The following NOXRED1 variants were observed in gnomAD, a reference collection of about 807,000 sequenced individuals.
NOXRED1 encodes NADP-dependent oxidoreductase domain-containing protein 1.
A neutral mutation model predicts 30.4 loss-of-function variants in NOXRED1; 20 were observed. That is an observed-to-expected ratio of 0.66 (90% CI 0.46 to 0.96). The LOEUF (loss-of-function observed/expected upper bound fraction) is 0.96, where lower values mean the gene tolerates loss of function less well. Among genes scored for constraint, NOXRED1 ranks in the 40% least tolerant of loss-of-function variants. The pLI, the probability that NOXRED1 is intolerant of heterozygous loss-of-function variation, is 0.00. For synonymous variants in NOXRED1, 155 were observed against 168.0 expected (o/e 0.92, Z 0.60); for missense variants, 374 against 428.0 (o/e 0.87, Z 1.11).
chr14:77,420,373 T>G (rs956295845), intron 1 of NOXRED1, among the ~76,000 whole-genome samples: 5 of 151,116 alleles, frequency 3.3e-5, no homozygotes, highest in African/African-American at 9.9e-5. Flanking sequence ...CATCAGTTTT[T>G]TTTTGTTTTG....
chr14:77,412,282 C>A (rs983665515), intron 2 of NOXRED1, among the ~76,000 whole-genome samples: 3 of 151,932 alleles, frequency 2.0e-5, no homozygotes, highest in Non-Finnish European at 2.9e-5. Context: ...TTACATTAAT[C>A]TCTTACTAAT....
chr14:77,420,320 C>T (rs1188289554), intron 1 of NOXRED1, among the ~76,000 whole-genome samples: 3 of 151,840 alleles, frequency 2.0e-5, no homozygotes, highest in Non-Finnish European at 4.4e-5. Context: ...TTCTTAGTTT[C>T]TCTTTATGAT....
intron 1 of NOXRED1, among the ~76,000 whole-genome samples, chr14:77,419,924 T>G (rs1412361608): frequency 6.6e-6 from 1 of 152,202 alleles, no homozygotes; most frequent in Non-Finnish European, 1.5e-5. Flanking sequence ...TTTGATGGTT[T>G]GATTATAACG....
At chr14:77,418,492 T>C (rs144069031) in intron 1 of NOXRED1, among the ~76,000 whole-genome samples, 3 of 151,398 alleles carry the variant, frequency 2.0e-5, no homozygotes, top group Non-Finnish European at 1.5e-5. Flanking sequence ...TTTTATTTTA[T>C]ACATTTTATT....
rs1894127307 is a variant in NOXRED1, at chr14:77,394,449, T to C, written c.*182A>G. The C allele has an allele frequency of 6.8e-6, 3 of 440,672 alleles. No individual in the cohort carries two copies. Among genetic ancestry groups the C allele is most frequent in the Non-Finnish European group, 1.2e-5 (3 of 249,976 alleles). 27.3% of individuals were successfully genotyped at this position (440,672 alleles called of 1,614,324 possible). ...TGAGAGCCAGATACATATTGATGGA[T>C]AGGACCACTTGTTTTATTCTACATT... On this transcript the variant is annotated 3_prime_UTR_variant, in exon 6 of 6. Coordinates refer to ENST00000380835, the MANE Select transcript of NOXRED1 (RefSeq NM_001113475.3).
chr14:77,397,897 A>AAAT (rs1894229795), intron 5 of NOXRED1, among the ~76,000 whole-genome samples: 1 of 152,018 alleles, frequency 6.6e-6, no homozygotes, highest in South Asian at 2.1e-4. Flanking sequence ...AAAAAAAAAA[A>AAAT]AATACTTGAA....
chr14:77,407,430 G>C (rs768605301), intron 3 of NOXRED1, 35 bp downstream of exon 3: 1 of 1,505,698 alleles, frequency 6.6e-7, no homozygotes, highest in Non-Finnish European at 9.2e-7. Flanking sequence ...AGACAGAGCA[G>C]TTGTGCCAGT....
intron 5 of NOXRED1, among the ~76,000 whole-genome samples, chr14:77,401,033 A>G (rs1320599342): frequency 6.6e-6 from 1 of 152,182 alleles, no homozygotes; most frequent in East Asian, 1.9e-4. Flanking sequence ...CGCAATGCCA[A>G]TCAAAATCCC....
chr14:77,394,849 A>G lies in NOXRED1; in HGVS notation c.906-44T>C, dbSNP rs763675772. On this transcript the variant is annotated intron_variant, in intron 5 of 5. Coordinates refer to ENST00000380835, the MANE Select transcript of NOXRED1 (RefSeq NM_001113475.3). ...TGTTACTTTTTTATGTCTGTTCAGT[A>G]TATCTGATTTGGCTGTTAAACACAT... The G allele has an allele frequency of 9.7e-6, 14 of 1,440,788 alleles. No homozygotes were observed. In the African/African-American group the frequency reaches 1.3e-4, roughly 13 times the overall value. The allele number at this position is 1,440,788 out of a possible 1,614,324, so 89.3% of individuals were successfully genotyped here. A position where few individuals can be genotyped will look rare whatever the true frequency, so the allele number is the denominator to read the frequency against.
At chr14:77,419,446 C>CTTTTTT (rs35341872) in intron 1 of NOXRED1, among the ~76,000 whole-genome samples, 2 of 91,514 alleles carry the variant, frequency 2.2e-5, no homozygotes. Flanking sequence ...TTTCTTTTTC[C>CTTTTTT]TTTTTTTTTT....
chr14:77,405,778 T>G (rs1894440927), intron 5 of NOXRED1, 135 bp downstream of exon 5: 2 of 615,616 alleles, frequency 3.2e-6, no homozygotes, highest in South Asian at 4.1e-5. Context: ...ACTTTTCCAC[T>G]AGTTGAAATT....
intron 5 of NOXRED1, among the ~76,000 whole-genome samples, chr14:77,396,911 C>G (rs962419291): frequency 1.3e-4 from 20 of 152,164 alleles, no homozygotes; most frequent in African/African-American, 4.6e-4. Flanking sequence ...ACACCAGTTG[C>G]TGGTGAGGAT....
intron 2 of NOXRED1, 107 bp from the exon 3 acceptor site, chr14:77,407,752 A>G: frequency 2.7e-6 from 2 of 731,804 alleles, no homozygotes; most frequent in Non-Finnish European, 4.6e-6. Flanking sequence ...AAATCAACCC[A>G]TCTTATTGCT....
chr14:77,412,763 T>A (rs1351969589), intron 2 of NOXRED1, among the ~76,000 whole-genome samples: 2 of 152,142 alleles, frequency 1.3e-5, no homozygotes, highest in African/African-American at 2.4e-5. Context: ...TCTGCCCACC[T>A]CGGCCTCCCA....
At chr14:77,408,892 A>ATGTTTTTTTTTTTTTTTTTTTTTTT (rs1894555993) in intron 2 of NOXRED1, among the ~76,000 whole-genome samples, 1 of 68,154 alleles carries the variant, frequency 1.5e-5, no homozygotes, top group East Asian at 4.8e-4. Context: ...CTGGTAGTTA[A>ATGTTTTTTTTTTTTTTTTTTTTTTT]TTTTTTTTTT....
chr14:77,416,500 A>G (rs1279347729), intron 1 of NOXRED1, among the ~76,000 whole-genome samples: 2 of 152,142 alleles, frequency 1.3e-5, no homozygotes, highest in Admixed American at 6.5e-5. Context: ...CACATGTTTC[A>G]GAGAGCACAG....
At chr14:77,396,029 C>A (rs1034480462) in intron 5 of NOXRED1, among the ~76,000 whole-genome samples, 1 of 151,520 alleles carries the variant, frequency 6.6e-6, no homozygotes, top group Non-Finnish European at 1.5e-5. Context: ...CCAGCCTGGG[C>A]AACATAGTGA....
At chr14:77,407,381 G>A (rs1894496242) in intron 3 of NOXRED1, 84 bp downstream of exon 3, 11 of 947,550 alleles carry the variant, frequency 1.2e-5, no homozygotes, top group Non-Finnish European at 1.7e-5. Flanking sequence ...AAGAGATAGG[G>A]GCTACAGTGG....
At chr14:77,395,515 A>C (rs1226522814) in intron 5 of NOXRED1, among the ~76,000 whole-genome samples, 3 of 152,070 alleles carry the variant, frequency 2.0e-5, no homozygotes, top group Non-Finnish European at 2.9e-5. Flanking sequence ...ATAGATTAAA[A>C]AGTAGGCTGG....
Sources: gnomAD v4.1 joint callset for allele counts (sites outside exome capture counted in the v4.1 genomes callset) on GRCh38, gnomAD v4.1.1 for gene constraint, MANE v1.5 for transcripts, NCBI Gene and HGNC (gene_info 2026-07-23, HGNC 2026-07-21) for gene names.